Variants in GPR107 observed in about 807,000 individuals in gnomAD.
GPR107 encodes G protein-coupled receptor 107.
A neutral mutation model predicts 75.5 loss-of-function variants in GPR107; 31 were observed. The ratio of observed to expected loss-of-function variants is 0.41; its 90% CI spans 0.31 to 0.55. The LOEUF (loss-of-function observed/expected upper bound fraction) is 0.55. Ranked by LOEUF, GPR107 falls within the 20% of genes least tolerant of loss-of-function variation. GPR107 has a pLI of 0.26. For synonymous variants in GPR107, 267 were observed against 251.3 expected, an observed-to-expected ratio of 1.06 and a Z score of -0.59; for missense variants, 572 against 665.7, an observed-to-expected ratio of 0.86 and a Z score of 1.55.
At chr9:130,073,891 G>C (rs528085487) in intron 1 of GPR107, among the ~76,000 whole-genome samples, 32 of 152,338 alleles carry the variant, frequency 2.1e-4, no homozygotes, top group Admixed American at 1.8e-3. Flanking sequence ...AAGTAGCTGG[G>C]ATTACAGGCA....
chr9:130,088,314 C>T (rs761121687), intron 7 of GPR107, among the ~76,000 whole-genome samples: 4 of 152,240 alleles, frequency 2.6e-5, no homozygotes, highest in Non-Finnish European at 5.9e-5. Flanking sequence ...GGCAGGAATG[C>T]TGTCTCTCAG....
At chr9:130,100,342 C>A (rs928772952) in intron 10 of GPR107, among the ~76,000 whole-genome samples, 1 of 152,206 alleles carries the variant, frequency 6.6e-6, no homozygotes, top group Non-Finnish European at 1.5e-5. Flanking sequence ...ATATTTGGAA[C>A]TTATGCAAAT....
At chr9:130,120,418 G>A (rs971872554) in intron 14 of GPR107, among the ~76,000 whole-genome samples, 5 of 152,058 alleles carry the variant, frequency 3.3e-5, no homozygotes, top group Non-Finnish European at 5.9e-5. Flanking sequence ...ACCCCACCCC[G>A]GTCCTTACTT....
chr9:130,134,988 T>C, intron 17 of GPR107, 37 bp from the exon 18 acceptor site: 1 of 1,149,110 alleles, frequency 8.7e-7, no homozygotes, highest in Non-Finnish European at 1.3e-6. Flanking sequence ...TAAGAGACTG[T>C]GAGATGTTCC....
At chr9:130,064,093 G>A (rs1401296225) in intron 1 of GPR107, among the ~76,000 whole-genome samples, 1 of 151,500 alleles carries the variant, frequency 6.6e-6, no homozygotes, top group African/African-American at 2.4e-5. Context: ...GATTACAAGT[G>A]TGAGCCACTG....
intron 1 of GPR107, among the ~76,000 whole-genome samples, chr9:130,060,124 G>C (rs1589477732): frequency 6.9e-6 from 1 of 145,916 alleles, no homozygotes; most frequent in Non-Finnish European, 1.5e-5. Context: ...GTGCAGTGGC[G>C]CGATCTCGGC....
intron 1 of GPR107, among the ~76,000 whole-genome samples, chr9:130,068,959 CAA>C (rs936703171): frequency 4.6e-5 from 7 of 152,006 alleles, no homozygotes; most frequent in Admixed American, 1.3e-4. Context: ...AGGCTGGTCT[CAA>C]ACTCCTCAGC....
intron 1 of GPR107, among the ~76,000 whole-genome samples, chr9:130,074,871 C>T (rs190662266): frequency 4.8e-4 from 73 of 151,674 alleles, no homozygotes; most frequent in Admixed American, 1.6e-3. Context: ...ATTCTTGGAA[C>T]AGCTTCAGCC....
intron 1 of GPR107, among the ~76,000 whole-genome samples, chr9:130,065,244 G>A (rs1229459177): frequency 6.6e-6 from 1 of 151,144 alleles, no homozygotes; most frequent in Non-Finnish European, 1.5e-5. Flanking sequence ...GAGGTCAGGA[G>A]TTCGAGACCA....
intron 4 of GPR107, 88 bp from the exon 5 acceptor site, chr9:130,079,542 T>G: frequency 3.0e-6 from 3 of 1,009,276 alleles, no homozygotes; most frequent in Non-Finnish European, 4.4e-6. Flanking sequence ...AAGGACTGCA[T>G]GAGCTTGGCA....
chr9:130,053,911 G>T lies in GPR107; in HGVS notation c.-22G>T, dbSNP rs137897242. ...CCCGGACGTGGGCGGGAGAGGAAGCGGCTGGTGATGCTGGAACAAACATGG... is the reference window on the plus strand; with the variant it reads ...CCCGGACGTGGGCGGGAGAGGAAGCTGCTGGTGATGCTGGAACAAACATGG... On this transcript the variant is annotated 5_prime_UTR_variant, in exon 1 of 18. Coordinates refer to ENST00000347136, the MANE Select transcript of GPR107 (RefSeq NM_020960.5). 3.8e-3 allele frequency: 5,970 copies of T among 1,554,286 alleles called. 189 individuals are homozygous for T. The African/African-American group carries it at 0.071, about 19-fold the overall frequency.
In GPR107 at chr9:130,137,552, G is replaced by A. The variant is rs372464825; in HGVS notation, c.*2431G>A. ...CAAGTCAGATTGATGATCAAGAAAA[G>A]TCAAAACCCCAGCCCAAGATTGGGA... On this transcript the variant is annotated 3_prime_UTR_variant, in exon 18 of 18. Transcript: ENST00000347136. The A allele has an allele frequency of 1.3e-5, 2 of 152,252 alleles. No homozygotes were observed. The highest frequency in any genetic ancestry group is 4.8e-5 in the African/African-American group (2 of 41,458). 9.4% of individuals were successfully genotyped at this position (152,252 alleles called of 1,614,324 possible).
At chr9:130,071,032 T>TTCC (rs1388371194) in intron 1 of GPR107, among the ~76,000 whole-genome samples, 52 of 83,186 alleles carry the variant, frequency 6.3e-4, no homozygotes, top group Admixed American at 1.1e-3. Flanking sequence ...ACTTTTTTTT[T>TTCC]TTCTTTTTTT....
At chr9:130,118,873 GGGCA>G (rs1251388499) in intron 14 of GPR107, among the ~76,000 whole-genome samples, 4 of 152,314 alleles carry the variant, frequency 2.6e-5, no homozygotes, top group African/African-American at 9.6e-5. Context: ...AGCAGGCCAA[GGGCA>G]GGCACACCCA....
chr9:130,099,156 A>G (rs1830951579), intron 9 of GPR107, among the ~76,000 whole-genome samples: 1 of 152,126 alleles, frequency 6.6e-6, no homozygotes, highest in Non-Finnish European at 1.5e-5. Flanking sequence ...TAAAAAATAC[A>G]AAACAAATTA....
At chr9:130,095,407 T>A (rs1357598936) in intron 9 of GPR107, among the ~76,000 whole-genome samples, 2 of 152,166 alleles carry the variant, frequency 1.3e-5, no homozygotes, top group African/African-American at 4.8e-5. Flanking sequence ...TTTATTTTAT[T>A]TTTTTTGAGA....
At chr9:130,121,267 A>G (rs1204038969) in intron 14 of GPR107, among the ~76,000 whole-genome samples, 1 of 152,226 alleles carries the variant, frequency 6.6e-6, no homozygotes, top group African/African-American at 2.4e-5. Flanking sequence ...CCTGGGCCAC[A>G]CTGGAAGAAT....
chr9:130,099,868 CTTTTTTTTTTTTTTTTTTTTTTTTTT>C (rs71387314), intron 10 of GPR107, among the ~76,000 whole-genome samples: 15 of 89,994 alleles, frequency 1.7e-4, no homozygotes, highest in Non-Finnish European at 2.5e-4. Context: ...GTTTCCACGA[CTTTTTTTTTTTTTTTTTTTTTTTTTT>C]TTTTTTTTTT....
At chr9:130,090,630 C>T (rs908561116) in intron 7 of GPR107, among the ~76,000 whole-genome samples, 1 of 152,128 alleles carries the variant, frequency 6.6e-6, no homozygotes, top group Admixed American at 6.6e-5. Context: ...AACAAAATAT[C>T]GGAAGGGAAT....
Sources: gnomAD v4.1 joint callset for allele counts (sites outside exome capture counted in the v4.1 genomes callset) on GRCh38, gnomAD v4.1.1 for gene constraint, MANE v1.5 for transcripts, NCBI Gene and HGNC (gene_info 2026-07-23, HGNC 2026-07-21) for gene names.